SMCR8: variants seen among roughly 807,000 people sequenced by gnomAD.
SMCR8 encodes SMCR8-C9orf72 complex subunit, also known as guanine nucleotide exchange protein SMCR8.
A neutral mutation model predicts 56.6 loss-of-function variants in SMCR8; 30 were observed. The ratio of observed to expected loss-of-function variants is 0.53; its 90% CI spans 0.40 to 0.72. The LOEUF (loss-of-function observed/expected upper bound fraction) is 0.72. Among genes scored for constraint, SMCR8 ranks in the 30% least tolerant of loss-of-function variants. The pLI is 0.00. For missense variants in SMCR8, 1,198 were observed against 1,157.0 expected (o/e 1.04, Z -0.51); for synonymous variants, 538 against 456.0 (o/e 1.18, Z -2.29).
Position 18,315,463 on chromosome 17 carries a change from C to T in SMCR8, c.-327C>T, listed in dbSNP as rs1431708708. 8.2e-6 allele frequency: 2 copies of T among 243,324 alleles called. No individual in the cohort carries two copies. The highest frequency in any genetic ancestry group is 1.6e-5 in the Non-Finnish European group (2 of 124,914). The allele number at this position is 243,324 out of a possible 1,614,324, so 15.1% of individuals were successfully genotyped here. A position where few individuals can be genotyped will look rare whatever the true frequency, so the allele number is the denominator to read the frequency against. On this transcript the variant is annotated 5_prime_UTR_variant, in exon 1 of 2. Coordinates refer to ENST00000406438, the MANE Select transcript of SMCR8 (RefSeq NM_144775.3). ...TTCAGAGCGGGGGCTTTTGCTGTCG[C>T]AGTGGGTTCCGGAGAGTGCAGGTGA...
At chr17:18,318,259 T>C in intron 1 of SMCR8, 110 bp downstream of exon 1, 2 of 1,045,110 alleles carry the variant, frequency 1.9e-6, no homozygotes, top group Non-Finnish European at 2.8e-6. Flanking sequence ...GCCCAGTTCC[T>C]ACCACTGTGT....
intron 1 of SMCR8, among the ~76,000 whole-genome samples, chr17:18,319,290 A>C (rs1340507794): frequency 6.6e-6 from 1 of 152,174 alleles, no homozygotes. Flanking sequence ...GGAAGGGTCC[A>C]CGTTTAGTGC....
At position 18,316,416 on chromosome 17, in the gene SMCR8, A is replaced by G. The variant is rs748994336; in HGVS notation, c.627A>G (p.Leu209=). The G allele has an allele frequency of 6.2e-7, 1 of 1,614,172 alleles. No homozygotes were observed. Among genetic ancestry groups the G allele is most frequent in the South Asian group, 1.1e-5 (1 of 91,088 alleles). Reference sequence around the variant, plus strand: ...ACTTGGATTACACCAGGACAGTGCTACACACAGAAACGGAGATCCAGAAGA... The same window carrying G: ...ACTTGGATTACACCAGGACAGTGCTGCACACAGAAACGGAGATCCAGAAGA... ...LKDLDYTRTV[L]HTETEIQKKA... is the part of the protein sequence containing the mutation. The change falls in exon 1 of 2, where the codon CTA becomes CTG. Residue 209 remains leucine, a synonymous_variant. Transcript: ENST00000406438.
At chr17:18,322,576 G>A (rs754783394) in intron 1 of SMCR8, 41 bp from the exon 2 acceptor site, 86 of 1,585,220 alleles carry the variant, frequency 5.4e-5, no homozygotes, top group Non-Finnish European at 6.5e-5. Context: ...CCACTTTCCC[G>A]GCCCTTGCCC....
At chr17:18,318,649 C>A (rs1982407454) in intron 1 of SMCR8, among the ~76,000 whole-genome samples, 1 of 152,154 alleles carries the variant, frequency 6.6e-6, no homozygotes, top group Non-Finnish European at 1.5e-5. Flanking sequence ...GGTGGTCTGC[C>A]CACCTCAGCC....
At chr17:18,320,667 C>T (rs978676512) in intron 1 of SMCR8, among the ~76,000 whole-genome samples, 1 of 152,158 alleles carries the variant, frequency 6.6e-6, no homozygotes, top group African/African-American at 2.4e-5. Context: ...GTCTCACTGC[C>T]CTCATGAGCT....
intron 1 of SMCR8, among the ~76,000 whole-genome samples, chr17:18,320,273 C>T (rs1281352322): frequency 1.3e-5 from 2 of 152,196 alleles, no homozygotes; most frequent in Non-Finnish European, 2.9e-5. Flanking sequence ...AGTTGGGGTG[C>T]CGTGCGCTTG....
chr17:18,320,227 C>T (rs1305821627), intron 1 of SMCR8, among the ~76,000 whole-genome samples: 2 of 152,222 alleles, frequency 1.3e-5, no homozygotes, highest in African/African-American at 2.4e-5. Flanking sequence ...GAGGTGTCCT[C>T]CTGCGGCGGG....
In SMCR8 at chr17:18,322,668, C is replaced by A; in HGVS notation, c.2412C>A (p.Ser804Arg). ...CCCTCCATGCCCTGAGCCGCTACAGCCGCTACACGAGCATCCTGGACCTTG... is the reference window on the plus strand; with the variant it reads ...CCCTCCATGCCCTGAGCCGCTACAGACGCTACACGAGCATCCTGGACCTTG... ...AGTLHALSRY[S>R]RYTSILDLDN... is the part of the protein sequence containing the mutation. The change falls in exon 2 of 2, where the codon AGC (serine) becomes AGA (arginine). Residue 804 changes from serine (S) to arginine (R), a missense_variant. Transcript: ENST00000406438. The A allele has an allele frequency of 6.2e-7, 1 of 1,614,216 alleles. No individual in the cohort carries two copies. Among genetic ancestry groups the A allele is most frequent in the Non-Finnish European group, 8.5e-7 (1 of 1,180,052 alleles).
Position 18,317,613 on chromosome 17 carries a change from G to C in SMCR8, c.1824G>C (p.Glu608Asp). The C allele has an allele frequency of 6.2e-7, 1 of 1,614,186 alleles. No homozygotes were observed. The highest frequency in any genetic ancestry group is 1.6e-4 in the Middle Eastern group (1 of 6,062). Residue 608 changes from glutamate to aspartate, a missense_variant, in exon 1 of 2, where the codon GAG becomes GAC. Glu to Asp is a conservative substitution (Grantham distance 45, BLOSUM62 2). Coordinates refer to ENST00000406438, the MANE Select transcript of SMCR8 (RefSeq NM_144775.3). ...CTCCAGCCCACACACACTCTGACGAGGATGGGGTGGTGAGCAGCCCCCCAC... is the reference window on the plus strand; with the variant it reads ...CTCCAGCCCACACACACTCTGACGACGATGGGGTGGTGAGCAGCCCCCCAC... ...PSTPAHTHSDEDGVVSSPPQR... is the reference protein window; with the variant it reads ...PSTPAHTHSDDDGVVSSPPQR...
chr17:18,317,361 C>T lies in SMCR8; in HGVS notation c.1572C>T (p.Pro524=), dbSNP rs1354752166. The stretch of plus-strand genomic sequence containing the variant: ...GTATTGAAGTCCTCAGTACCTGCCC[C>T]TCTGAGGCCCTCATCCCTGATGACT... The part of the protein sequence containing the change: ...EDSIEVLSTC[P]SEALIPDDFK... The change falls in exon 1 of 2, where the codon CCC becomes CCT. Residue 524 remains proline (P), a synonymous_variant. Coordinates refer to ENST00000406438, the MANE Select transcript of SMCR8 (RefSeq NM_144775.3). The T allele has an allele frequency of 2.5e-6, 4 of 1,614,158 alleles. No homozygotes were observed. The highest frequency in any genetic ancestry group is 1.7e-6 in the Non-Finnish European group (2 of 1,180,034).
rs979836826 is a variant in SMCR8 at position 18,326,497 on chromosome 17, C to G, written c.*3427C>G. On this transcript the variant is annotated 3_prime_UTR_variant, in exon 2 of 2. Coordinates refer to ENST00000406438, the MANE Select transcript of SMCR8 (RefSeq NM_144775.3). ...CTTTTCCATAACTCATTTACTCCAA[C>G]AGTTGAAGTTACACACATTGCTCCC... 4 of 152,260 alleles carry G rather than the reference C, an allele frequency of 2.6e-5. No individual in the cohort carries two copies. Among genetic ancestry groups the G allele is most frequent in the African/African-American group, 7.2e-5 (3 of 41,460 alleles). 9.4% of individuals were successfully genotyped at this position (152,260 alleles called of 1,614,324 possible).
chr17:18,317,770 C>T lies in SMCR8; in HGVS notation c.1981C>T (p.Arg661Trp), dbSNP rs757228832. The change falls in exon 1 of 2, where the codon CGG becomes TGG. Residue 661 changes from arginine (R) to tryptophan (W), a missense_variant. Physicochemically the swap from Arg to Trp is moderately radical, Grantham distance 101. Coordinates refer to ENST00000406438, the MANE Select transcript of SMCR8 (RefSeq NM_144775.3). ...GGACCCGAGCCACCTGCTGGCTAGC[C>T]GGGACATCAGTAAGACCAGCCTGGA... ...ELDPSHLLAS[R>W]DISKTSLDNY... 37 of 1,614,008 alleles carry T rather than the reference C, an allele frequency of 2.3e-5. No individual in the cohort carries two copies. The highest frequency in any genetic ancestry group is 1.6e-4 in the Middle Eastern group (1 of 6,084).
At position 18,318,113 on chromosome 17, in the gene SMCR8, T is replaced by A; in HGVS notation, c.2324T>A (p.Met775Lys). Reference protein sequence around the residue: ...KHWASSPLHIMDFQKWKLIGL... With the variant: ...KHWASSPLHIKDFQKWKLIGL... Reference sequence around the variant, plus strand: ...TGGGCCTCCTCCCCTTTGCACATTATGGATTTTCAGAAGTGGAAGCTTATT... The same window carrying A: ...TGGGCCTCCTCCCCTTTGCACATTAAGGATTTTCAGAAGTGGAAGCTTATT... The change falls in exon 1 of 2, where the codon ATG (methionine) becomes AAG (lysine). Residue 775 changes from methionine (M) to lysine (K), a missense_variant. Physicochemically the swap from Met to Lys is moderately conservative, Grantham distance 95. Coordinates refer to ENST00000406438, the MANE Select transcript of SMCR8 (RefSeq NM_144775.3). 6.2e-7 allele frequency: 1 copy of A among 1,613,432 alleles called. No individual in the cohort carries two copies. Among genetic ancestry groups the A allele is most frequent in the Admixed American group, 1.7e-5 (1 of 60,014 alleles).
Position 18,315,476 on chromosome 17 carries a change from A to C in SMCR8, c.-314A>C. 2 of 292,764 alleles carry C rather than the reference A, an allele frequency of 6.8e-6. No homozygotes were observed. Among genetic ancestry groups the C allele is most frequent in the Non-Finnish European group, 6.4e-6 (1 of 156,256 alleles). 18.1% of individuals were successfully genotyped at this position (292,764 alleles called of 1,614,324 possible). A position where few individuals can be genotyped will look rare whatever the true frequency, so the allele number is the denominator to read the frequency against. ...CTTTTGCTGTCGCAGTGGGTTCCGG[A>C]GAGTGCAGGTGATTTCGCAGCAGGT... On this transcript the variant is annotated 5_prime_UTR_variant, in exon 1 of 2. Coordinates refer to ENST00000406438, the MANE Select transcript of SMCR8 (RefSeq NM_144775.3).
Position 18,315,838 on chromosome 17 carries a change from G to A in SMCR8, c.49G>A (p.Glu17Lys), listed in dbSNP as rs1043213098. ...GGCCTTCACCAAAGAGGAAGAGTATGAAGAAGAGCCTTACAATGAGCCGGC... is the reference window on the plus strand; with the variant it reads ...GGCCTTCACCAAAGAGGAAGAGTATAAAGAAGAGCCTTACAATGAGCCGGC... ...VVAFTKEEEY[E>K]EEPYNEPALP... The change falls in exon 1 of 2, where the codon GAA becomes AAA. Residue 17 changes from glutamate (E) to lysine (K), a missense_variant. By Grantham distance (56) the Glu-to-Lys change is moderately conservative. Transcript: ENST00000406438. 5 of 1,611,914 alleles carry A rather than the reference G, an allele frequency of 3.1e-6. No homozygotes were observed. Among genetic ancestry groups the A allele is most frequent in the Non-Finnish European group, 3.4e-6 (4 of 1,178,198 alleles).
intron 1 of SMCR8, among the ~76,000 whole-genome samples, chr17:18,319,720 TTTG>T (rs548980771): frequency 2.8e-4 from 42 of 152,104 alleles, no homozygotes; most frequent in Middle Eastern, 3.4e-3. Context: ...TTGTGTGTTT[TTTG>T]TTGTTGTTGT....
intron 1 of SMCR8, among the ~76,000 whole-genome samples, chr17:18,319,335 G>T (rs914225165): frequency 6.6e-6 from 1 of 152,186 alleles, no homozygotes. Flanking sequence ...GCAGTGCTTG[G>T]CCCTGAGAAG....
At chr17:18,322,569 C>T (rs373757538) in intron 1 of SMCR8, 48 bp from the exon 2 acceptor site, 2 of 1,571,484 alleles carry the variant, frequency 1.3e-6, no homozygotes, top group African/African-American at 1.3e-5. Flanking sequence ...TCTGCCTCCA[C>T]TTTCCCGGCC....
Sources: allele counts gnomAD v4.1 joint callset (sites outside exome capture counted in the v4.1 genomes callset), GRCh38; gene constraint gnomAD v4.1.1; transcripts MANE v1.5; gene names NCBI Gene and HGNC (gene_info 2026-07-23, HGNC 2026-07-21).